Variants in INTS9 observed in about 807,000 individuals in gnomAD.
INTS9 encodes the protein integrator complex subunit 9.
In INTS9, 55 loss-of-function variants were observed where a neutral mutation model predicts 79.7. That is an observed-to-expected ratio of 0.69 (90% CI 0.56 to 0.86). The LOEUF is 0.86. INTS9 is among the 40% of genes least tolerant of loss of function. INTS9 has a pLI of 0.00. For missense variants in INTS9, 721 were observed against 831.5 expected (o/e 0.87, Z 1.64); for synonymous variants, 319 against 325.2 (o/e 0.98, Z 0.20).
At chr8:28,826,497 G>A (rs540790864) in intron 6 of INTS9, among the ~76,000 whole-genome samples, 37 of 152,290 alleles carry the variant, frequency 2.4e-4, no homozygotes, top group African/African-American at 7.2e-4. Context: ...TGACCTGCCC[G>A]GTTCAGGGTT....
intron 11 of INTS9, among the ~76,000 whole-genome samples, chr8:28,782,963 T>C (rs1434667505): frequency 1.3e-5 from 2 of 151,946 alleles, no homozygotes; most frequent in African/African-American, 2.4e-5. Context: ...CTGGCTAACA[T>C]GGTGAAACCC....
At chr8:28,859,913 T>C (rs1158251024) in intron 1 of INTS9, among the ~76,000 whole-genome samples, 1 of 152,228 alleles carries the variant, frequency 6.6e-6, no homozygotes, top group Non-Finnish European at 1.5e-5. Context: ...ATGTAAGTAC[T>C]GTCTAAAGCT....
chr8:28,779,446 CAAT>C (rs981766290), intron 12 of INTS9, among the ~76,000 whole-genome samples: 11 of 152,304 alleles, frequency 7.2e-5, no homozygotes, highest in African/African-American at 1.7e-4. Flanking sequence ...CCTTGTCTGA[CAAT>C]GATGGATCCG....
chr8:28,877,890 A>C (rs1585524874), intron 1 of INTS9, among the ~76,000 whole-genome samples: 2 of 152,300 alleles, frequency 1.3e-5, no homozygotes, highest in South Asian at 4.1e-4. Context: ...CACAATTCTA[A>C]ATGCTTCCTA....
At chr8:28,783,895 TAAG>T (rs1393304391) in intron 11 of INTS9, 2 of 152,230 alleles carry the variant, frequency 1.3e-5, no homozygotes, top group East Asian at 3.8e-4. Flanking sequence ...AATGTGATTC[TAAG>T]AATAGCAGCA....
intron 8 of INTS9, among the ~76,000 whole-genome samples, chr8:28,804,402 C>T (rs572961061): frequency 1.6e-4 from 24 of 152,262 alleles, no homozygotes; most frequent in East Asian, 3.9e-4. Context: ...TGGGTAAAAA[C>T]CCTTTGTCCT....
chr8:28,883,983 G>A (rs941724848), intron 1 of INTS9, among the ~76,000 whole-genome samples: 2 of 152,042 alleles, frequency 1.3e-5, no homozygotes, highest in African/African-American at 2.4e-5. Flanking sequence ...ATGCCAGAGG[G>A]ATATGAGTAC....
intron 10 of INTS9, among the ~76,000 whole-genome samples, chr8:28,793,418 C>CTA (rs1804024196): frequency 6.6e-6 from 1 of 152,076 alleles, no homozygotes; most frequent in Admixed American, 6.6e-5. Context: ...TTTTAAAAAT[C>CTA]TAGTTTTTCT....
chr8:28,882,902 A>G (rs980708856), intron 1 of INTS9, among the ~76,000 whole-genome samples: 3 of 152,216 alleles, frequency 2.0e-5, no homozygotes, highest in African/African-American at 7.2e-5. Context: ...TTCTCACAGT[A>G]AAGTTCCCAC....
chr8:28,796,031 C>T (rs1160618001), intron 9 of INTS9, among the ~76,000 whole-genome samples: 3 of 152,188 alleles, frequency 2.0e-5, no homozygotes, highest in African/African-American at 4.8e-5. Context: ...CCTGTTTGGC[C>T]GGGCACTGTG....
intron 1 of INTS9, chr8:28,862,362 G>A (rs1430789621): frequency 2.9e-6 from 1 of 339,884 alleles, no homozygotes; most frequent in East Asian, 1.7e-4. Flanking sequence ...TTCAACTCTT[G>A]ATGACTATGT....
At chr8:28,772,968 G>C (rs543458704) in intron 14 of INTS9, among the ~76,000 whole-genome samples, 1 of 152,240 alleles carries the variant, frequency 6.6e-6, no homozygotes, top group Non-Finnish European at 1.5e-5. Context: ...TGCTGTGGGA[G>C]TATAAACTGT....
At chr8:28,812,191 G>A in intron 8 of INTS9, 136 bp downstream of exon 8, 1 of 856,740 alleles carries the variant, frequency 1.2e-6, no homozygotes, top group Non-Finnish European at 1.8e-6. Flanking sequence ...GACTCAAATA[G>A]TCTACCTTGG....
chr8:28,877,820 AT>A (rs1809478555), intron 1 of INTS9, among the ~76,000 whole-genome samples: 1 of 152,216 alleles, frequency 6.6e-6, no homozygotes, highest in South Asian at 2.1e-4. Flanking sequence ...ATCATGAATG[AT>A]TTTTAAAATA....
At chr8:28,832,233 G>A (rs965363182) in intron 6 of INTS9, among the ~76,000 whole-genome samples, 10 of 152,154 alleles carry the variant, frequency 6.6e-5, no homozygotes, top group African/African-American at 2.2e-4. Context: ...TATCAGAACC[G>A]AGGGCAAGAG....
At chr8:28,861,236 T>C (rs1011979300) in intron 1 of INTS9, among the ~76,000 whole-genome samples, 8 of 152,148 alleles carry the variant, frequency 5.3e-5, no homozygotes, top group Non-Finnish European at 1.0e-4. Context: ...TTACAGAAAA[T>C]TTTTTCCTCC....
chr8:28,868,101 C>G (rs1808863559), intron 1 of INTS9, among the ~76,000 whole-genome samples: 1 of 152,164 alleles, frequency 6.6e-6, no homozygotes, highest in South Asian at 2.1e-4. Flanking sequence ...AGACATATTA[C>G]TTTTTGCAGA....
chr8:28,768,169 G>A lies in INTS9; in HGVS notation c.1954C>T (p.Leu652Phe). The A allele has an allele frequency of 5.0e-6, 8 of 1,614,138 alleles. No homozygotes were observed. The highest frequency in any genetic ancestry group is 5.9e-6 in the Non-Finnish European group (7 of 1,180,042). The change falls in exon 17 of 17, where the codon CTC (leucine) becomes TTC (phenylalanine). Residue 652 changes from leucine (L) to phenylalanine (F), a missense_variant. Leu to Phe is a conservative substitution (Grantham distance 22). Transcript: ENST00000521022. ...MLRVRLRDLV[L>F]KFLQKF ...ACTCAGAACTTCTGTAAGAATTTGA[G>A]GACAAGGTCCCGCAGTCGCACTCTG... is the stretch of plus-strand genomic sequence containing the variant.
intron 1 of INTS9, among the ~76,000 whole-genome samples, chr8:28,874,802 T>C (rs1809289864): frequency 6.6e-6 from 1 of 152,202 alleles, no homozygotes; most frequent in African/African-American, 2.4e-5. Flanking sequence ...TACACAAATC[T>C]TTCAGATGTT....
Sources: gnomAD v4.1 joint callset for allele counts (sites outside exome capture counted in the v4.1 genomes callset) on GRCh38, gnomAD v4.1.1 for gene constraint, MANE v1.5 for transcripts, NCBI Gene and HGNC (gene_info 2026-07-23, HGNC 2026-07-21) for gene names.